Variants in ADAM19 observed in about 807,000 individuals in gnomAD.
ADAM19 encodes the protein disintegrin and metalloproteinase domain-containing protein 19.
A neutral mutation model predicts 114.7 loss-of-function variants in ADAM19; 65 were observed. That is an observed-to-expected ratio of 0.57 (90% CI 0.46 to 0.70). The LOEUF is 0.70. ADAM19 is among the 30% of genes least tolerant of loss of function. ADAM19 has a pLI of 0.00. For missense variants in ADAM19, 1,063 were observed against 1,204.7 expected (o/e 0.88, Z 1.74); for synonymous variants, 466 against 460.5 (o/e 1.01, Z -0.15).
At chr5:157,569,360 T>G (rs1228378373) in intron 2 of ADAM19, among the ~76,000 whole-genome samples, 1 of 146,450 alleles carries the variant, frequency 6.8e-6, no homozygotes, top group Non-Finnish European at 1.5e-5. Flanking sequence ...TCGTCCCACC[T>G]CAGCCTTCAG....
chr5:157,539,939 C>G (rs942401834), intron 3 of ADAM19, among the ~76,000 whole-genome samples: 1 of 152,222 alleles, frequency 6.6e-6, no homozygotes, highest in Non-Finnish European at 1.5e-5. Context: ...CAGCTTAGAG[C>G]ATGGTCTGGA....
intron 3 of ADAM19, among the ~76,000 whole-genome samples, chr5:157,555,167 T>C (rs1274196209): frequency 6.6e-6 from 1 of 152,102 alleles, no homozygotes; most frequent in Non-Finnish European, 1.5e-5. Flanking sequence ...CCACATGACT[T>C]TTAGCAAGTC....
At chr5:157,559,718 A>G (rs1007252704) in intron 3 of ADAM19, among the ~76,000 whole-genome samples, 1 of 152,184 alleles carries the variant, frequency 6.6e-6, no homozygotes, top group African/African-American at 2.4e-5. Context: ...ATATGGATTA[A>G]TGCTCAAATC....
At chr5:157,532,116 T>C (rs1438735002) in intron 4 of ADAM19, among the ~76,000 whole-genome samples, 1 of 152,218 alleles carries the variant, frequency 6.6e-6, no homozygotes, top group Non-Finnish European at 1.5e-5. Flanking sequence ...ATTTGGTACC[T>C]GTGCCCGTGA....
At chr5:157,484,874 G>A (rs921240219) in intron 21 of ADAM19, among the ~76,000 whole-genome samples, 35 of 152,198 alleles carry the variant, frequency 2.3e-4, no homozygotes, top group Non-Finnish European at 4.4e-4. Context: ...GCCACTGAGG[G>A]GCTGGAGTTT....
chr5:157,549,796 A>T (rs752034132), intron 3 of ADAM19, among the ~76,000 whole-genome samples: 24 of 152,234 alleles, frequency 1.6e-4, no homozygotes, highest in Admixed American at 3.3e-4. Flanking sequence ...GTGCTCAATC[A>T]GTATCCCCTG....
At chr5:157,564,318 G>C in intron 3 of ADAM19, 55 bp downstream of exon 3, 2 of 1,520,460 alleles carry the variant, frequency 1.3e-6, no homozygotes, top group Non-Finnish European at 1.8e-6. Context: ...ACCTGCGTCC[G>C]GCGTTGACAC....
Position 157,480,628 on chromosome 5 carries a change from G to A in ADAM19, c.*321C>T. ...CTGGCCTGAGGGGCTTGCTGGCCTT[G>A]AGCATCTCCATCAGCACCTCGGGGC... On this transcript the variant is annotated 3_prime_UTR_variant, in exon 23 of 23. Coordinates refer to ENST00000257527, the MANE Select transcript of ADAM19 (RefSeq NM_033274.5). 1 of 1,165,658 alleles carries A rather than the reference G, an allele frequency of 8.6e-7. No individual in the cohort carries two copies. 72.2% of individuals were successfully genotyped at this position (1,165,658 alleles called of 1,614,324 possible).
At position 157,478,739 on chromosome 5, in the gene ADAM19, G is replaced by C. The variant is rs1754666707; in HGVS notation, c.*2210C>G. On this transcript the variant is annotated 3_prime_UTR_variant, in exon 23 of 23. Coordinates refer to ENST00000257527, the MANE Select transcript of ADAM19 (RefSeq NM_033274.5). Reference sequence around the variant, plus strand: ...TTCCAGTTCACAGTACAACTTTATGGGATGGAGGTGATATGAAAATAATAA... The same window carrying C: ...TTCCAGTTCACAGTACAACTTTATGCGATGGAGGTGATATGAAAATAATAA... 4 of 985,808 alleles carry C rather than the reference G, an allele frequency of 4.1e-6. No individual in the cohort carries two copies. Among genetic ancestry groups the C allele is most frequent in the Non-Finnish European group, 4.8e-6 (4 of 829,922 alleles). 61.1% of individuals were successfully genotyped at this position (985,808 alleles called of 1,614,324 possible).
At chr5:157,501,193 C>T (rs1167131203) in intron 12 of ADAM19, among the ~76,000 whole-genome samples, 1 of 152,120 alleles carries the variant, frequency 6.6e-6, no homozygotes, top group Non-Finnish European at 1.5e-5. Context: ...TCCTGCCTTC[C>T]TAATGTACCA....
intron 2 of ADAM19, among the ~76,000 whole-genome samples, chr5:157,569,420 T>C (rs982515822): frequency 1.9e-4 from 27 of 140,336 alleles, no homozygotes; most frequent in African/African-American, 5.9e-4. Context: ...AATTTTCTTT[T>C]TTTTTTTTTT....
chr5:157,540,296 T>C (rs1756882900), intron 3 of ADAM19, among the ~76,000 whole-genome samples: 1 of 152,258 alleles, frequency 6.6e-6, no homozygotes, highest in African/African-American at 2.4e-5. Flanking sequence ...TGCTCATTCC[T>C]GCAGCCCATT....
chr5:157,551,945 T>C (rs62388525), intron 3 of ADAM19, among the ~76,000 whole-genome samples: 35,641 of 151,904 alleles, frequency 0.23, 4,224 homozygotes, highest in South Asian at 0.37. Context: ...AGTTTGAGAC[T>C]AGCCTGGTCA....
intron 12 of ADAM19, 109 bp from the exon 13 acceptor site, chr5:157,499,771 CTCT>C (rs1561531222): frequency 4.5e-4 from 243 of 541,694 alleles, no homozygotes; most frequent in South Asian, 6.6e-4. Flanking sequence ...TAGCAACTAT[CTCT>C]TTTTTTTTTT....
chr5:157,505,947 C>G (rs1041447018), intron 10 of ADAM19, 139 bp from the exon 11 acceptor site: 216 of 876,182 alleles, frequency 2.5e-4, no homozygotes, highest in Non-Finnish European at 3.0e-4. Context: ...TCCATATGTG[C>G]CTCTGACAGC....
intron 5 of ADAM19, among the ~76,000 whole-genome samples, chr5:157,524,211 T>C (rs942049792): frequency 1.3e-5 from 2 of 152,232 alleles, no homozygotes; most frequent in African/African-American, 4.8e-5. Context: ...TTTATCCTTC[T>C]AGGAGCCTTG....
intron 1 of ADAM19, among the ~76,000 whole-genome samples, chr5:157,574,435 G>T (rs1196097925): frequency 3.9e-5 from 6 of 152,098 alleles, no homozygotes; most frequent in Non-Finnish European, 5.9e-5. Context: ...CTCAAAGGGC[G>T]GTTCCTTTGA....
chr5:157,525,848 A>G (rs1756437674), intron 5 of ADAM19, among the ~76,000 whole-genome samples: 1 of 152,028 alleles, frequency 6.6e-6, no homozygotes, highest in Non-Finnish European at 1.5e-5. Flanking sequence ...TCCCTCTCTC[A>G]CAGAATCTGA....
At chr5:157,530,909 G>A (rs772381260) in intron 4 of ADAM19, 26 bp from the exon 5 acceptor site, 1 of 1,594,540 alleles carries the variant, frequency 6.3e-7, no homozygotes, top group South Asian at 1.1e-5. Context: ...GAGGTGGTCA[G>A]GCTAAAGAAC....
Sources: gnomAD v4.1 joint callset for allele counts (sites outside exome capture counted in the v4.1 genomes callset) on GRCh38, gnomAD v4.1.1 for gene constraint, MANE v1.5 for transcripts, NCBI Gene and HGNC (gene_info 2026-07-23, HGNC 2026-07-21) for gene names.